The following ARRDC4 variants were observed in gnomAD, a reference collection of about 807,000 sequenced individuals.
ARRDC4 encodes the protein arrestin domain-containing protein 4.
Under a neutral mutation model 44.6 loss-of-function variants are expected in ARRDC4, and 40 were observed. That is an observed-to-expected ratio of 0.90 (90% CI 0.70 to 1.17). ARRDC4 has a LOEUF of 1.17. ARRDC4 is among the 50% of genes most tolerant of loss of function. The probability of loss-of-function intolerance (pLI) is 0.00; values close to 1 mark genes in which losing one functional copy is unlikely to be tolerated. For missense variants in ARRDC4, 550 were observed against 559.1 expected, an observed-to-expected ratio of 0.98 and a Z score of 0.16; for synonymous variants, 211 against 221.2, an observed-to-expected ratio of 0.95 and a Z score of 0.41.
rs75444538 is a variant in ARRDC4, at chr15:97,970,873, A to C, written c.1200+130A>C. The C allele has an allele frequency of 0.038, 43,605 of 1,161,556 alleles. 1,964 individuals are homozygous for C. Among genetic ancestry groups the C allele is most frequent in the African/African-American group, 0.21 (13,629 of 64,198 alleles). 72.0% of individuals were successfully genotyped at this position (1,161,556 alleles called of 1,614,324 possible). A position where few individuals can be genotyped will look rare whatever the true frequency, so the allele number is the denominator to read the frequency against. ...GGGATACATTTAAATTTGTTTATAC[A>C]GTGGTAATAGATTATCGCTGATTCA... On this transcript the variant is annotated intron_variant, in intron 7 of 7. Transcript: ENST00000268042. The surrounding 1 kb of genome is among the most constrained non-coding windows in gnomAD (Gnocchi z 4.2).
chr15:97,961,050 C>T lies in ARRDC4; in HGVS notation c.189C>T (p.Ala63=). Residue 63 remains alanine (A), a synonymous_variant, in exon 1 of 8, where the codon GCC becomes GCT. Coordinates refer to ENST00000268042, the MANE Select transcript of ARRDC4 (RefSeq NM_183376.3). ...TGCGCCTGGAGGCCCAGGGGCGCGC[C>T]ACCGCCGCCTGGGGCCCGAGCACCT... ...RALRLEAQGR[A]TAAWGPSTCP... is the part of the protein sequence containing the mutation. 4 of 1,428,850 alleles carry T rather than the reference C, an allele frequency of 2.8e-6. No individual in the cohort carries two copies. Among genetic ancestry groups the T allele is most frequent in the South Asian group, 1.4e-5 (1 of 70,240 alleles). The allele number at this position is 1,428,850 out of a possible 1,614,324, so 88.5% of individuals were successfully genotyped here.
At position 97,971,365 on chromosome 15, in the gene ARRDC4, C is replaced by A. The variant is rs1899511885; in HGVS notation, c.*178C>A. The stretch of plus-strand genomic sequence containing the variant: ...CTGGTGGGCCGGCAGGATTGCCGCA[C>A]AAGTTTATATGATGGTCGTATATAT... On this transcript the variant is annotated 3_prime_UTR_variant, in exon 8 of 8. Coordinates refer to ENST00000268042, the MANE Select transcript of ARRDC4 (RefSeq NM_183376.3). 2 of 625,888 alleles carry A rather than the reference C, an allele frequency of 3.2e-6. No homozygotes were observed. Among genetic ancestry groups the A allele is most frequent in the Non-Finnish European group, 5.6e-6 (2 of 359,876 alleles). 38.8% of individuals were successfully genotyped at this position (625,888 alleles called of 1,614,324 possible). A position where few individuals can be genotyped will look rare whatever the true frequency, so the allele number is the denominator to read the frequency against.
Position 97,970,450 on chromosome 15 carries a change from C to A in ARRDC4, c.1046-139C>A. On this transcript the variant is annotated intron_variant, in intron 6 of 7. Transcript: ENST00000268042. This position sits in a 1 kb window ranked among gnomAD's most constrained non-coding sequence, Gnocchi z 4.2. ...AGAATCTATTTTTTATTGTAATATG[C>A]ATAAAACCTTGCTGATTAGAGGGAA... The A allele has an allele frequency of 1.2e-6, 1 of 802,532 alleles. No individual in the cohort carries two copies. The highest frequency in any genetic ancestry group is 1.9e-6 in the Non-Finnish European group (1 of 521,406). 49.7% of individuals were successfully genotyped at this position (802,532 alleles called of 1,614,324 possible).
rs1164018433 is a variant in ARRDC4, at chr15:97,966,903, T to C, written c.522+861T>C. ...ATGTATTTTTCATGTTGGAGGTTTT[T>C]CTAGCCTGTGTTTTTAAAGACAAGG... On this transcript the variant is annotated intron_variant, in intron 3 of 7. Coordinates refer to ENST00000268042, the MANE Select transcript of ARRDC4 (RefSeq NM_183376.3). This position sits in a 1 kb window ranked among gnomAD's most constrained non-coding sequence, Gnocchi z 4.7. Among the ~76,000 whole-genome samples the C allele has an allele frequency of 6.6e-6, 1 of 152,246 alleles. No individual in the cohort carries two copies. Among genetic ancestry groups the C allele is most frequent in the African/African-American group, 2.4e-5 (1 of 41,462 alleles).
In ARRDC4 at chr15:97,960,948, G is replaced by C. The variant is rs1555456083; in HGVS notation, c.87G>C (p.Lys29Asn). Reference sequence around the variant, plus strand: ...GTCTGGTGTTCGAGGACGAGCGCAAGGGCTGCTATTCCAGCGGCGAGACAG... The same window carrying C: ...GTCTGGTGTTCGAGGACGAGCGCAACGGCTGCTATTCCAGCGGCGAGACAG... The part of the protein sequence containing the change: ...SLGLVFEDER[K>N]GCYSSGETVA... Residue 29 changes from lysine (K) to asparagine (N), a missense_variant, in exon 1 of 8, where the codon AAG becomes AAC. By Grantham distance (94) the Lys-to-Asn change is moderately conservative. Coordinates refer to ENST00000268042, the MANE Select transcript of ARRDC4 (RefSeq NM_183376.3). 6.8e-7 allele frequency: 1 copy of C among 1,470,408 alleles called. No homozygotes were observed. Among genetic ancestry groups the C allele is most frequent in the South Asian group, 1.3e-5 (1 of 76,444 alleles). 91.1% of individuals were successfully genotyped at this position (1,470,408 alleles called of 1,614,324 possible). A position where few individuals can be genotyped will look rare whatever the true frequency, so the allele number is the denominator to read the frequency against.
In ARRDC4 at chr15:97,965,407, T is replaced by C. The variant is rs1161818844; in HGVS notation, c.308-193T>C. Among the ~76,000 whole-genome samples the C allele has an allele frequency of 6.6e-6, 1 of 151,802 alleles. No individual in the cohort carries two copies. Among genetic ancestry groups the C allele is most frequent in the East Asian group, 1.9e-4 (1 of 5,158 alleles). ...TGGCCTGGGCAATAGAGCGAGACCC[T>C]GTCTCTAAAACACATAGACACACGC... is the stretch of plus-strand genomic sequence containing the variant. On this transcript the variant is annotated intron_variant, in intron 1 of 7. Coordinates refer to ENST00000268042, the MANE Select transcript of ARRDC4 (RefSeq NM_183376.3). The surrounding 1 kb of genome is among the most constrained non-coding windows in gnomAD (Gnocchi z 5.1).
Position 97,970,852 on chromosome 15 carries a change from T to C in ARRDC4, c.1200+109T>C, listed in dbSNP as rs909112517. ...TTGCTGACTCATAATTAGTAAGGGA[T>C]ACATTTAAATTTGTTTATACAGTGG... is the stretch of plus-strand genomic sequence containing the variant. On this transcript the variant is annotated intron_variant, in intron 7 of 7. Coordinates refer to ENST00000268042, the MANE Select transcript of ARRDC4 (RefSeq NM_183376.3). This position sits in a 1 kb window ranked among gnomAD's most constrained non-coding sequence, Gnocchi z 4.2. 6.1e-6 allele frequency: 8 copies of C among 1,304,516 alleles called. No individual in the cohort carries two copies. Among genetic ancestry groups the C allele is most frequent in the African/African-American group, 3.0e-5 (2 of 67,262 alleles). 80.8% of individuals were successfully genotyped at this position (1,304,516 alleles called of 1,614,324 possible).
In ARRDC4 at chr15:97,970,941, CAG is replaced by C. The variant is rs111892639; in HGVS notation, c.1201-188_1201-187del. On this transcript the variant is annotated intron_variant, in intron 7 of 7. Coordinates refer to ENST00000268042, the MANE Select transcript of ARRDC4 (RefSeq NM_183376.3). The surrounding 1 kb of genome is among the most constrained non-coding windows in gnomAD (Gnocchi z 4.2). ...CTATTGTCCTTGTGATCTATGGCATCAGATACAGTATTGTGGATTGCCTTTAA... is the reference window on the plus strand; with the variant it reads ...CTATTGTCCTTGTGATCTATGGCATCATACAGTATTGTGGATTGCCTTTAA... Among the ~76,000 whole-genome samples the C allele has an allele frequency of 3.3e-5, 5 of 151,916 alleles. No homozygotes were observed. Among genetic ancestry groups the C allele is most frequent in the African/African-American group, 7.3e-5 (3 of 41,320 alleles).
chr15:97,961,163 C>G lies in ARRDC4; in HGVS notation c.302C>G (p.Pro101Arg), dbSNP rs1200250453. The change falls in exon 1 of 8, where the codon CCG (proline) becomes CGG (arginine). Residue 101 changes from proline (P) to arginine (R), a missense_variant. Physicochemically the swap from Pro to Arg is moderately radical, Grantham distance 103. Coordinates refer to ENST00000268042, the MANE Select transcript of ARRDC4 (RefSeq NM_183376.3). ...GTGCGCCTCAGCCTGCGGGAGCCCCCGGCCGGTAAGCGCAGGCGAGCGCCT... is the reference window on the plus strand; with the variant it reads ...GTGCGCCTCAGCCTGCGGGAGCCCCGGGCCGGTAAGCGCAGGCGAGCGCCT... ...LNVRLSLREP[P>R]AGEGIILLQP... The G allele has an allele frequency of 2.1e-6, 3 of 1,433,426 alleles. No homozygotes were observed. Among genetic ancestry groups the G allele is most frequent in the Non-Finnish European group, 2.7e-6 (3 of 1,104,156 alleles). 88.8% of individuals were successfully genotyped at this position (1,433,426 alleles called of 1,614,324 possible).
chr15:97,970,004 A>C lies in ARRDC4; in HGVS notation c.1004A>C (p.Asp335Ala), dbSNP rs774551433. ...NSSIASQFSM[D>A]MSWLTLTLPE... ...AGCATTGCCAGCCAGTTCAGTATGG[A>C]TATGAGCTGGTTGACACTGACCCTG... The change falls in exon 6 of 8, where the codon GAT becomes GCT. Residue 335 changes from aspartate (D) to alanine (A), a missense_variant. Coordinates refer to ENST00000268042, the MANE Select transcript of ARRDC4 (RefSeq NM_183376.3). The surrounding 1 kb of genome is among the most constrained non-coding windows in gnomAD (Gnocchi z 4.2). 1 of 1,613,208 alleles carries C rather than the reference A, an allele frequency of 6.2e-7. No individual in the cohort carries two copies.
chr15:97,961,709 T>G (rs968354962), intron 1 of ARRDC4, among the ~76,000 whole-genome samples: 1 of 152,206 alleles, frequency 6.6e-6, no homozygotes, highest in Non-Finnish European at 1.5e-5. Flanking sequence ...GTTTCCCTCT[T>G]CTGGGGAGCA....
At position 97,965,793 on chromosome 15, in the gene ARRDC4, A is replaced by G; in HGVS notation, c.375-102A>G. 2 of 1,515,194 alleles carry G rather than the reference A, an allele frequency of 1.3e-6. No homozygotes were observed. Among genetic ancestry groups the G allele is most frequent in the Non-Finnish European group, 9.1e-7 (1 of 1,101,960 alleles). 93.9% of individuals were successfully genotyped at this position (1,515,194 alleles called of 1,614,324 possible). On this transcript the variant is annotated intron_variant, in intron 2 of 7. Transcript: ENST00000268042. The surrounding 1 kb of genome is among the most constrained non-coding windows in gnomAD (Gnocchi z 5.1). ...CACTGAATAGTCCCTAAATAGACTT[A>G]CTCTTTTTTTATTTCCAACCTAAAA...
intron 1 of ARRDC4, among the ~76,000 whole-genome samples, chr15:97,961,816 C>A (rs2141531583): frequency 6.6e-6 from 1 of 152,254 alleles, no homozygotes; most frequent in African/African-American, 2.4e-5. Flanking sequence ...CTACCCGCTT[C>A]TTCCCCTCTC....
In ARRDC4 at chr15:97,965,557, A is replaced by C. The variant is rs1264357044; in HGVS notation, c.308-43A>C. On this transcript the variant is annotated intron_variant, in intron 1 of 7. Transcript: ENST00000268042. The surrounding 1 kb of genome is among the most constrained non-coding windows in gnomAD (Gnocchi z 5.1). ...TTACATTGTGAAAACTCTTGATCTA[A>C]TACTAACTATCCTTCATTAAAATAA... is the stretch of plus-strand genomic sequence containing the variant. The C allele has an allele frequency of 6.7e-7, 1 of 1,488,448 alleles. No individual in the cohort carries two copies. The highest frequency in any genetic ancestry group is 9.4e-7 in the Non-Finnish European group (1 of 1,067,308). 92.2% of individuals were successfully genotyped at this position (1,488,448 alleles called of 1,614,324 possible). A position where few individuals can be genotyped will look rare whatever the true frequency, so the allele number is the denominator to read the frequency against.
At position 97,961,142 on chromosome 15, in the gene ARRDC4, G is replaced by A. The variant is rs1899308939; in HGVS notation, c.281G>A (p.Arg94His). The change falls in exon 1 of 8, where the codon CGC (arginine) becomes CAC (histidine). Residue 94 changes from arginine (R) to histidine (H), a missense_variant. Physicochemically the swap from Arg to His is conservative, Grantham distance 29 (BLOSUM62 0). Coordinates refer to ENST00000268042, the MANE Select transcript of ARRDC4 (RefSeq NM_183376.3). ...TCGGAGGTGGAGTACCTGAACGTGCGCCTCAGCCTGCGGGAGCCCCCGGCC... is the reference window on the plus strand; with the variant it reads ...TCGGAGGTGGAGTACCTGAACGTGCACCTCAGCCTGCGGGAGCCCCCGGCC... ...VFSEVEYLNV[R>H]LSLREPPAGE... 2 of 1,448,252 alleles carry A rather than the reference G, an allele frequency of 1.4e-6. No homozygotes were observed. The highest frequency in any genetic ancestry group is 2.9e-5 in the Admixed American group (1 of 34,720). 89.7% of individuals were successfully genotyped at this position (1,448,252 alleles called of 1,614,324 possible). A position where few individuals can be genotyped will look rare whatever the true frequency, so the allele number is the denominator to read the frequency against.
Position 97,967,868 on chromosome 15 carries a change from T to C in ARRDC4, c.523-146T>C. ...CCTGTGTTTTTGTGCATATTTGGCC[T>C]AATATGTTACATGAGGATAAGAAAG... is the stretch of plus-strand genomic sequence containing the variant. On this transcript the variant is annotated intron_variant, in intron 3 of 7. Coordinates refer to ENST00000268042, the MANE Select transcript of ARRDC4 (RefSeq NM_183376.3). This position sits in a 1 kb window ranked among gnomAD's most constrained non-coding sequence, Gnocchi z 5.0. The C allele has an allele frequency of 2.1e-6, 1 of 467,606 alleles. No individual in the cohort carries two copies. 29.0% of individuals were successfully genotyped at this position (467,606 alleles called of 1,614,324 possible).
chr15:97,970,508 T>C lies in ARRDC4; in HGVS notation c.1046-81T>C. ...CATATTTTTTATCTTCAAGTTTAGCTGTTTCTTGTTTTTGTAGCAGTTAAG... is the reference window on the plus strand; with the variant it reads ...CATATTTTTTATCTTCAAGTTTAGCCGTTTCTTGTTTTTGTAGCAGTTAAG... On this transcript the variant is annotated intron_variant, in intron 6 of 7. Transcript: ENST00000268042. The surrounding 1 kb of genome is among the most constrained non-coding windows in gnomAD (Gnocchi z 4.2). 7.1e-7 allele frequency: 1 copy of C among 1,408,670 alleles called. No individual in the cohort carries two copies. Among genetic ancestry groups the C allele is most frequent in the Non-Finnish European group, 9.7e-7 (1 of 1,027,154 alleles). 87.3% of individuals were successfully genotyped at this position (1,408,670 alleles called of 1,614,324 possible).
rs983617245 is a variant in ARRDC4 at position 97,960,812 on chromosome 15, G to A, written c.-50G>A. ...GCGGCGCCGCTGTGCTCGCGACCCC[G>A]GCTCCGGGCCTCTGCCGACCTCAGG... On this transcript the variant is annotated 5_prime_UTR_variant, in exon 1 of 8. Transcript: ENST00000268042. 7.9e-6 allele frequency: 10 copies of A among 1,258,400 alleles called. No homozygotes were observed. The Admixed American group carries it at 1.3e-4, about 16-fold the overall frequency. The allele number at this position is 1,258,400 out of a possible 1,614,324, so 78.0% of individuals were successfully genotyped here.
In ARRDC4 at chr15:97,961,123, G is replaced by A. The variant is rs1392671726; in HGVS notation, c.262G>A (p.Val88Met). ...STAALAVFSE[V>M]EYLNVRLSLR... The stretch of plus-strand genomic sequence containing the variant: ...CGCGGCCCTGGCTGTCTTCTCGGAG[G>A]TGGAGTACCTGAACGTGCGCCTCAG... Residue 88 changes from valine (V) to methionine (M), a missense_variant, in exon 1 of 8, where the codon GTG becomes ATG. Coordinates refer to ENST00000268042, the MANE Select transcript of ARRDC4 (RefSeq NM_183376.3). The A allele has an allele frequency of 6.9e-5, 101 of 1,459,828 alleles. No individual in the cohort carries two copies. In the East Asian group the frequency reaches 2.9e-3, roughly 42 times the overall value. The allele number at this position is 1,459,828 out of a possible 1,614,324, so 90.4% of individuals were successfully genotyped here.
Sources: gnomAD v4.1 joint callset for allele counts (sites outside exome capture counted in the v4.1 genomes callset) on GRCh38, gnomAD v4.1.1 for gene constraint, Gnocchi (gnomAD v3.1) non-coding constraint, MANE v1.5 for transcripts, NCBI Gene and HGNC (gene_info 2026-07-23, HGNC 2026-07-21) for gene names.